EVC: variants seen among roughly 807,000 people sequenced by gnomAD.
EVC encodes the protein evC complex member EVC.
Under a neutral mutation model 118.9 loss-of-function variants are expected in EVC, and 116 were observed. The ratio of observed to expected loss-of-function variants is 0.98; its 90% CI spans 0.84 to 1.14. The LOEUF (loss-of-function observed/expected upper bound fraction) is 1.14. EVC is among the 50% of genes most tolerant of loss of function. The probability of loss-of-function intolerance (pLI) is 0.00; values close to 1 mark genes in which losing one functional copy is unlikely to be tolerated. For synonymous variants in EVC, 619 were observed against 534.7 expected (o/e 1.16, Z -2.18); for missense variants, 1,401 against 1,246.4 (o/e 1.12, Z -1.87).
intron 12 of EVC, 26 bp from the exon 13 acceptor site, chr4:5,793,582 G>T: frequency 6.5e-7 from 1 of 1,536,534 alleles, no homozygotes; most frequent in Non-Finnish European, 8.8e-7. Context: ...CCACATGCCT[G>T]CTCTGTCCCT....
At chr4:5,762,561 CTGT>C (rs1732240281) in intron 11 of EVC, among the ~76,000 whole-genome samples, 2 of 146,768 alleles carry the variant, frequency 1.4e-5, no homozygotes, top group African/African-American at 5.1e-5. Context: ...TCTCCAGCAC[CTGT>C]TGTTTCCTGA....
chr4:5,790,338 TAAGTGC>T (rs1443054956), intron 12 of EVC, among the ~76,000 whole-genome samples: 3 of 152,130 alleles, frequency 2.0e-5, no homozygotes, highest in African/African-American at 7.2e-5. Context: ...TTGTGAGAGT[TAAGTGC>T]AAGTGTTATG....
chr4:5,827,613 C>A, the EVC span, among the ~76,000 whole-genome samples: 1 of 151,920 alleles, frequency 6.6e-6, no homozygotes, highest in Non-Finnish European at 1.5e-5. Context: ...CTCGCATACA[C>A]ACACGCGCAC....
Position 5,729,373 on chromosome 4 carries a change from A to G in EVC, c.367A>G (p.Ile123Val), listed in dbSNP as rs772569904. The part of the protein sequence containing the change: ...FALKAKVIYP[I>V]NQKFRPLADG... ...CCTGAAGGCCAAAGTCATCTACCCC[A>G]TCAATCAGAAGTTCCGGGTGAGAGT... is the stretch of plus-strand genomic sequence containing the variant. Residue 123 changes from isoleucine to valine, a missense_variant, in exon 3 of 21, where the codon ATC becomes GTC. Transcript: ENST00000264956. 32 of 1,613,936 alleles carry G rather than the reference A, an allele frequency of 2.0e-5. No individual in the cohort carries two copies. Among genetic ancestry groups the G allele is most frequent in the South Asian group, 1.9e-4 (17 of 91,078 alleles).
At chr4:5,780,685 C>G (rs1032845718) in intron 11 of EVC, among the ~76,000 whole-genome samples, 1 of 152,148 alleles carries the variant, frequency 6.6e-6, no homozygotes, top group Non-Finnish European at 1.5e-5. Flanking sequence ...CAACCAGTGC[C>G]TGGAAAGGTT....
chr4:5,773,079 G>A (rs1262401224), intron 11 of EVC, among the ~76,000 whole-genome samples: 14 of 152,174 alleles, frequency 9.2e-5, no homozygotes, highest in African/African-American at 3.4e-4. Context: ...CTCGGTCACC[G>A]CAGTGTCCCT....
chr4:5,737,989 T>C lies in EVC; in HGVS notation c.703-3727T>C, dbSNP rs1481452326. ...AAATTGAAAACCTTCTGGAAAGGAT[T>C]CACCATTCTAGATGCCATTGAGAAT... On this transcript the variant is annotated intron_variant, in intron 5 of 20. Coordinates refer to ENST00000264956, the MANE Select transcript of EVC (RefSeq NM_153717.3). This position sits in a 1 kb window ranked among gnomAD's most constrained non-coding sequence, Gnocchi z 5.0. Among the ~76,000 whole-genome samples, 1 of 152,230 alleles carries C rather than the reference T, an allele frequency of 6.6e-6. No homozygotes were observed. Among genetic ancestry groups the C allele is most frequent in the Non-Finnish European group, 1.5e-5 (1 of 68,038 alleles).
chr4:5,827,846 C>A, the EVC span, among the ~76,000 whole-genome samples: 2 of 152,138 alleles, frequency 1.3e-5, no homozygotes, highest in African/African-American at 4.8e-5. Context: ...ATGTTGGCCA[C>A]GGGCGGGAGT....
chr4:5,808,155 C>A, intron 17 of EVC, 46 bp from the exon 18 acceptor site: 1 of 1,204,624 alleles, frequency 8.3e-7, no homozygotes, highest in Non-Finnish European at 1.1e-6. Context: ...CCCTCCCTCC[C>A]TCCCTTCCTT....
chr4:5,741,595 A>G (rs988550745), intron 5 of EVC, 121 bp from the exon 6 acceptor site: 1 of 637,956 alleles, frequency 1.6e-6, no homozygotes, highest in Non-Finnish European at 2.9e-6. Context: ...GAGAGGGTGA[A>G]AGAGAAGAAA....
downstream of EVC, among the ~76,000 whole-genome samples, chr4:5,814,947 C>T (rs960337203): frequency 1.3e-5 from 2 of 151,994 alleles, no homozygotes; most frequent in Admixed American, 6.5e-5. Flanking sequence ...ATATAAATAA[C>T]CTTCCTTTAT....
intron 11 of EVC, among the ~76,000 whole-genome samples, chr4:5,771,353 A>G (rs1218135892): frequency 6.6e-6 from 1 of 152,056 alleles, no homozygotes; most frequent in Non-Finnish European, 1.5e-5. Context: ...TGCTTCCACC[A>G]TTACATCTTC....
chr4:5,735,397 A>G (rs1433111058), intron 5 of EVC, among the ~76,000 whole-genome samples: 1 of 152,130 alleles, frequency 6.6e-6, no homozygotes, highest in African/African-American at 2.4e-5. Flanking sequence ...GAGCTGTGTG[A>G]CTTTGGGTAA....
rs1715820400 is a variant in EVC at position 5,805,912 on chromosome 4, A to ATT, written c.2561+1071_2561+1072insTT. On this transcript the variant is annotated intron_variant, in intron 17 of 20. Transcript: ENST00000264956. ...TTTTCTTTTTTTTTTTTTTTTTTGA[A>ATT]GGAGTGACAGTACAATTTTGTGACA... Among the ~76,000 whole-genome samples, 7 of 65,434 alleles carry ATT rather than the reference A, an allele frequency of 1.1e-4. No homozygotes were observed. In the East Asian group the frequency reaches 1.1e-3, roughly 10 times the overall value. The allele number at this position is 65,434 out of a possible 152,430, so 42.9% of individuals were successfully genotyped here. A position where few individuals can be genotyped will look rare whatever the true frequency, so the allele number is the denominator to read the frequency against.
At chr4:5,805,692 G>A (rs1227976927) in intron 17 of EVC, among the ~76,000 whole-genome samples, 1 of 152,072 alleles carries the variant, frequency 6.6e-6, no homozygotes, top group East Asian at 1.9e-4. Flanking sequence ...GTGGTCCAAG[G>A]GCTTCACTTT....
intron 11 of EVC, among the ~76,000 whole-genome samples, chr4:5,761,224 G>T (rs1464663121): frequency 1.3e-5 from 2 of 152,074 alleles, no homozygotes; most frequent in Non-Finnish European, 2.9e-5. Flanking sequence ...GCACATGGTA[G>T]GTGCTCAGTG....
the EVC span, chr4:5,820,936 G>A: frequency 1.3e-5 from 2 of 152,234 alleles, no homozygotes; most frequent in Non-Finnish European, 2.9e-5. Context: ...AACTGCCTCA[G>A]AGGGACCAGG....
chr4:5,759,276 G>A (rs1731648007), intron 11 of EVC, among the ~76,000 whole-genome samples: 2 of 149,446 alleles, frequency 1.3e-5, no homozygotes, highest in Non-Finnish European at 1.5e-5. Context: ...ATAACTGCTT[G>A]AAAGAGCCAG....
chr4:5,782,536 GAAAAAAAAAAAAAAAAAA>G (rs71171483), intron 11 of EVC, among the ~76,000 whole-genome samples: 3 of 45,734 alleles, frequency 6.6e-5, no homozygotes, highest in East Asian at 1.4e-3. Flanking sequence ...TGTTTTAAAT[GAAAAAAAAAAAAAAAAAA>G]AAAAAAAAAA....
Sources: gnomAD v4.1 joint callset for allele counts (sites outside exome capture counted in the v4.1 genomes callset) on GRCh38, gnomAD v4.1.1 for gene constraint, Gnocchi (gnomAD v3.1) non-coding constraint, MANE v1.5 for transcripts, NCBI Gene and HGNC (gene_info 2026-07-23, HGNC 2026-07-21) for gene names.